CYP3A5: variants seen among roughly 807,000 people sequenced by gnomAD.
The protein encoded by CYP3A5 is cytochrome P450 3A5.
A neutral mutation model predicts 55.9 loss-of-function variants in CYP3A5; 51 were observed. That is an observed-to-expected ratio of 0.91 (90% confidence interval 0.73 to 1.15). The LOEUF (loss-of-function observed/expected upper bound fraction) is 1.15. Ranked by LOEUF, CYP3A5 falls within the 50% of genes most tolerant of loss-of-function variation. The pLI, the probability that CYP3A5 is intolerant of heterozygous loss-of-function variation, is 0.00. For missense variants in CYP3A5, 533 were observed against 596.6 expected (o/e 0.89, Z 1.11); for synonymous variants, 196 against 213.9 (o/e 0.92, Z 0.73).
rs1273712146 is a variant in CYP3A5, at chr7:99,650,978, A to C, written c.1254-746T>G. ...GATTTCTAAATATTTGATTATATTA[A>C]GGAAAAAATGTTGATTCAAAGAAAG... On this transcript the variant is annotated intron_variant, in intron 11 of 12. Coordinates refer to ENST00000222982, the MANE Select transcript of CYP3A5 (RefSeq NM_000777.5). Among the ~76,000 whole-genome samples the C allele has an allele frequency of 2.0e-5, 3 of 152,356 alleles. No individual in the cohort carries two copies. The East Asian group carries it at 5.8e-4, about 29-fold the overall frequency.
At position 99,674,576 on chromosome 7, in the gene CYP3A5, T is replaced by G; in HGVS notation, c.175A>C (p.Lys59Gln). Residue 59 changes from lysine (K) to glutamine (Q), a missense_variant, in exon 3 of 13, where the codon AAA becomes CAA. Lys to Gln is a moderately conservative substitution (Grantham distance 53). Transcript: ENST00000222982. ...TTTTTATAGCACTCTGTGTCAAATT[T>G]CCAGAGACCCTGGGAGAGGAAACAA... ...NVLSYRQGLW[K>Q]FDTECYKKYG... 6.2e-7 allele frequency: 1 copy of G among 1,613,670 alleles called. No homozygotes were observed. The highest frequency in any genetic ancestry group is 8.5e-7 in the Non-Finnish European group (1 of 1,179,666).
chr7:99,667,150 T>A, intron 4 of CYP3A5, 85 bp from the exon 5 acceptor site: 1 of 1,297,708 alleles, frequency 7.7e-7, no homozygotes, highest in East Asian at 2.4e-5. Flanking sequence ...GGCATCCTTA[T>A]TTAACAAATA....
At position 99,653,357 on chromosome 7, in the gene CYP3A5, G is replaced by A. The variant is rs1297259735; in HGVS notation, c.1027-578C>T. On this transcript the variant is annotated intron_variant, in intron 10 of 12. Coordinates refer to ENST00000222982, the MANE Select transcript of CYP3A5 (RefSeq NM_000777.5). This position sits in a 1 kb window ranked among gnomAD's most constrained non-coding sequence, Gnocchi z 4.2. ...TTCCAGCTACTCAGGAGACAGAGGC[G>A]GGAGGATGGCTTGAGCCTGGGAGGC... Among the ~76,000 whole-genome samples the A allele has an allele frequency of 2.0e-5, 3 of 151,986 alleles. No individual in the cohort carries two copies. Among genetic ancestry groups the A allele is most frequent in the Non-Finnish European group, 2.9e-5 (2 of 67,994 alleles).
At chr7:99,650,702 A>G (rs1338943498) in intron 11 of CYP3A5, among the ~76,000 whole-genome samples, 3 of 149,924 alleles carry the variant, frequency 2.0e-5, no homozygotes, top group Non-Finnish European at 3.0e-5. Context: ...TTTTTTTCTA[A>G]TTCCCCTCCT....
intron 1 of CYP3A5, chr7:99,677,273 C>T (rs900369532): frequency 1.0e-6 from 1 of 984,336 alleles, no homozygotes; most frequent in Admixed American, 6.1e-5. Flanking sequence ...GAAGAGGTTG[C>T]CAGACACTGA....
At chr7:99,672,938 A>G (rs1255552434) in intron 3 of CYP3A5, 1 of 1,255,920 alleles carries the variant, frequency 8.0e-7, no homozygotes, top group Non-Finnish European at 1.0e-6. Context: ...AGAGCTCTTT[A>G]AAGAGATTAT....
At chr7:99,660,392 G>A in intron 10 of CYP3A5, 107 bp downstream of exon 10, 1 of 1,480,322 alleles carries the variant, frequency 6.8e-7, no homozygotes. Flanking sequence ...TGTCAGTGAA[G>A]GAATCAGTGA....
In CYP3A5 at chr7:99,664,020, A is replaced by T. The variant is rs201260783; in HGVS notation, c.746T>A (p.Leu249Ter). The change falls in exon 8 of 13, where the codon TTA (leucine) becomes TAA (stop). Residue 249 changes from leucine (L) to a stop codon, truncating the protein, a stop_gained. Transcript: ENST00000222982. LOFTEE classifies it high-confidence loss of function. ...CTTCATTCTGTTTACAGATTTACTT[A>T]AAAAATTTATGGTATCTTTTGGAAA... is the stretch of plus-strand genomic sequence containing the variant. ...SLFPKDTINF[L>*]SKSVNRMKKS... 317 of 1,599,356 alleles carry T rather than the reference A, an allele frequency of 2.0e-4. 2 individuals are homozygous for T. Among genetic ancestry groups the T allele is most frequent in the South Asian group, 5.0e-4 (43 of 86,722 alleles).
Position 99,662,953 on chromosome 7 carries a change from TCCTCAACCTCCCTTCTTGACTTCCCTC to T in CYP3A5, c.799-98_799-72del, listed in dbSNP as rs546020107. On this transcript the variant is annotated intron_variant, in intron 8 of 12. Transcript: ENST00000222982. This position sits in a 1 kb window ranked among gnomAD's most constrained non-coding sequence, Gnocchi z 4.3. ...AGTCAGAAGTAAATCAAAAGTGCAGTCCTCAACCTCCCTTCTTGACTTCCCTCCCTCAACCTCCCTATGGCTTCTTGA... is the reference window on the plus strand; with the variant it reads ...AGTCAGAAGTAAATCAAAAGTGCAGTCCTCAACCTCCCTATGGCTTCTTGA... The T allele has an allele frequency of 2.9e-5, 46 of 1,595,888 alleles. No homozygotes were observed. In the African/African-American group the frequency reaches 4.2e-4, roughly 14 times the overall value.
intron 10 of CYP3A5, 59 bp from the exon 11 acceptor site, chr7:99,652,838 T>C: frequency 7.7e-7 from 1 of 1,291,642 alleles, no homozygotes; most frequent in Non-Finnish European, 1.1e-6. Flanking sequence ...CTCAACTGAG[T>C]CCATGCAGTA....
intron 1 of CYP3A5, among the ~76,000 whole-genome samples, chr7:99,678,253 C>T (rs1489068112): frequency 6.6e-6 from 1 of 152,220 alleles, no homozygotes; most frequent in Admixed American, 6.5e-5. Context: ...GATGAGATGC[C>T]AACCTGTTTG....
chr7:99,661,941 A>G (rs957775204), intron 9 of CYP3A5, among the ~76,000 whole-genome samples: 3 of 152,270 alleles, frequency 2.0e-5, no homozygotes, highest in African/African-American at 4.8e-5. Flanking sequence ...CATTGGCCAC[A>G]TGTCCAGTAC....
chr7:99,669,042 C>T (rs915045475), intron 4 of CYP3A5, among the ~76,000 whole-genome samples: 3 of 152,094 alleles, frequency 2.0e-5, no homozygotes, highest in African/African-American at 7.2e-5. Context: ...CTGTTAATTT[C>T]CATAATAAAA....
intron 10 of CYP3A5, among the ~76,000 whole-genome samples, chr7:99,657,721 T>G (rs1257624500): frequency 6.6e-6 from 1 of 152,210 alleles, no homozygotes; most frequent in Non-Finnish European, 1.5e-5. Flanking sequence ...GGAGTCTAAC[T>G]CTCTTTGTAA....
At chr7:99,665,042 T>A in intron 7 of CYP3A5, 124 bp downstream of exon 7, 1 of 944,612 alleles carries the variant, frequency 1.1e-6, no homozygotes, top group African/African-American at 1.7e-5. Flanking sequence ...GTCATACATA[T>A]TTTTGATTAT....
chr7:99,656,544 T>G (rs1809756849), intron 10 of CYP3A5, among the ~76,000 whole-genome samples: 1 of 152,188 alleles, frequency 6.6e-6, no homozygotes, highest in Non-Finnish European at 1.5e-5. Context: ...AAAATTCTCT[T>G]TTTTGGTTGT....
intron 4 of CYP3A5, chr7:99,671,844 G>A (rs1174821599): frequency 1.4e-6 from 1 of 702,938 alleles, no homozygotes; most frequent in Non-Finnish European, 2.6e-6. Flanking sequence ...GACGGAATGG[G>A]TCTGCATCTT....
At chr7:99,657,343 C>A (rs1357764686) in intron 10 of CYP3A5, among the ~76,000 whole-genome samples, 1 of 152,108 alleles carries the variant, frequency 6.6e-6, no homozygotes, top group Admixed American at 6.5e-5. Flanking sequence ...GTTATGTACC[C>A]AGTAGTCATT....
At chr7:99,670,083 G>T (rs1448290920) in intron 4 of CYP3A5, among the ~76,000 whole-genome samples, 2 of 152,166 alleles carry the variant, frequency 1.3e-5, no homozygotes, top group African/African-American at 4.8e-5. Context: ...TAAAAGTATG[G>T]ATGCTGACTC....
Sources: gnomAD v4.1 joint callset for allele counts (sites outside exome capture counted in the v4.1 genomes callset) on GRCh38, gnomAD v4.1.1 for gene constraint, Gnocchi (gnomAD v3.1) non-coding constraint, MANE v1.5 for transcripts, NCBI Gene and HGNC (gene_info 2026-07-23, HGNC 2026-07-21) for gene names.